Variants in KDM5A observed in about 807,000 individuals in gnomAD.
KDM5A encodes the protein lysine demethylase 5A.
Under a neutral mutation model 193.5 loss-of-function variants are expected in KDM5A, and 42 were observed. The observed-to-expected ratio is 0.22, with a 90% CI of 0.17 to 0.28. KDM5A has a LOEUF of 0.28. Ranked by LOEUF, KDM5A falls within the 10% of genes least tolerant of loss-of-function variation. The pLI is 1.00. For synonymous variants in KDM5A, 796 were observed against 718.1 expected (o/e 1.11, Z -1.73); for missense variants, 1,692 against 2,055.1 (o/e 0.82, Z 3.42).
chr12:365,535 T>A (rs1304928846), intron 4 of KDM5A, among the ~76,000 whole-genome samples: 1 of 152,132 alleles, frequency 6.6e-6, no homozygotes, highest in Non-Finnish European at 1.5e-5. Flanking sequence ...AAGAGAATTT[T>A]GGGGGCTAGT....
chr12:289,714 C>CAAAAAA (rs774919490), intron 27 of KDM5A, among the ~76,000 whole-genome samples: 1 of 79,088 alleles, frequency 1.3e-5, no homozygotes, highest in Non-Finnish European at 2.6e-5. Context: ...GACCCTGTCT[C>CAAAAAA]AAAAAAAAAA....
rs766684341 is a variant in KDM5A at position 331,890 on chromosome 12, G to A, written c.1702C>T (p.Arg568Cys). ...CAGEFVVTFP[R>C]AYHSGFNQGY... ...TGGTTAAATCCAGAGTGATAGGCAC[G>A]AGGAAATGTCACAACAAACTCGCCA... The change falls in exon 13 of 28, where the codon CGT becomes TGT. Residue 568 changes from arginine to cysteine, a missense_variant. Around this residue, in one of 11 missense-constraint regions of KDM5A, gnomAD observed 172 missense variants for 260.3 expected, o/e 0.66. Transcript: ENST00000399788. The A allele has an allele frequency of 1.9e-6, 3 of 1,614,014 alleles. No individual in the cohort carries two copies. Among genetic ancestry groups the A allele is most frequent in the Admixed American group, 1.7e-5 (1 of 60,018 alleles).
At chr12:335,075 T>C (rs914270112) in intron 10 of KDM5A, among the ~76,000 whole-genome samples, 2 of 152,048 alleles carry the variant, frequency 1.3e-5, no homozygotes, top group Non-Finnish European at 2.9e-5. Flanking sequence ...CTAACCATTA[T>C]ACAAACACAC....
chr12:341,778 TAATCCC>T (rs995385311), intron 10 of KDM5A, among the ~76,000 whole-genome samples: 4 of 151,904 alleles, frequency 2.6e-5, no homozygotes, highest in African/African-American at 9.7e-5. Flanking sequence ...TGGGCACCTG[TAATCCC>T]AGCTACTCAG....
Position 389,315 on chromosome 12 carries a change from GC to G in KDM5A, c.-225del, listed in dbSNP as rs1944700669. ...TCAGGACTTTTCCGGAAGTTACCGT[GC>G]TGTCAAATCCCTCCGCCCCCTGCAG... On this transcript the variant is annotated 5_prime_UTR_variant, in exon 1 of 28. Transcript: ENST00000399788. The G allele has an allele frequency of 4.4e-6, 3 of 675,598 alleles. No homozygotes were observed. Among genetic ancestry groups the G allele is most frequent in the Non-Finnish European group, 8.1e-6 (3 of 369,924 alleles). The allele number at this position is 675,598 out of a possible 1,614,324, so 41.9% of individuals were successfully genotyped here.
rs1944696215 is a variant in KDM5A, at chr12:389,175, C to T, written c.-84G>A. 4 of 1,315,814 alleles carry T rather than the reference C, an allele frequency of 3.0e-6. No individual in the cohort carries two copies. In the East Asian group the frequency reaches 6.9e-5, roughly 23 times the overall value. The allele number at this position is 1,315,814 out of a possible 1,614,324, so 81.5% of individuals were successfully genotyped here. Reference sequence around the variant, plus strand: ...GAAGCCCACTAAGCCCGTTCAAGTCCCCTGACAGAGGCCGAAGCGCATCTT... The same window carrying T: ...GAAGCCCACTAAGCCCGTTCAAGTCTCCTGACAGAGGCCGAAGCGCATCTT... On this transcript the variant is annotated 5_prime_UTR_variant, in exon 1 of 28. Coordinates refer to ENST00000399788, the MANE Select transcript of KDM5A (RefSeq NM_001042603.3).
At chr12:295,877 G>A (rs77854644) in intron 25 of KDM5A, 84 bp from the exon 26 acceptor site, 204,282 of 1,117,386 alleles carry the variant, frequency 0.18, 21,078 homozygotes, top group Non-Finnish European at 0.2. Context: ...ATTGAGACTA[G>A]CCCCCCATCC....
intron 25 of KDM5A, among the ~76,000 whole-genome samples, chr12:296,121 C>T (rs953646941): frequency 5.3e-5 from 8 of 151,960 alleles, no homozygotes; most frequent in Non-Finnish European, 7.4e-5. Context: ...GAGTTCGAAA[C>T]CAGCCTGACC....
In KDM5A at chr12:282,846, A is replaced by T. The variant is rs1943172755; in HGVS notation, c.*2610T>A. 4.3e-6 allele frequency: 1 copy of T among 232,384 alleles called. No homozygotes were observed. The highest frequency in any genetic ancestry group is 8.5e-6 in the Non-Finnish European group (1 of 117,628). 14.4% of individuals were successfully genotyped at this position (232,384 alleles called of 1,614,324 possible). A position where few individuals can be genotyped will look rare whatever the true frequency, so the allele number is the denominator to read the frequency against. On this transcript the variant is annotated 3_prime_UTR_variant, in exon 28 of 28. Coordinates refer to ENST00000399788, the MANE Select transcript of KDM5A (RefSeq NM_001042603.3). ...TAATGCTTTGTATTAGAACACCAAC[A>T]TTTCTTTAAATAGATGAATCTTGTT...
intron 10 of KDM5A, among the ~76,000 whole-genome samples, chr12:341,579 T>C (rs965520607): frequency 6.6e-6 from 1 of 151,870 alleles, no homozygotes; most frequent in African/African-American, 2.4e-5. Flanking sequence ...TTGTTATAAC[T>C]AAAAATAGCT....
chr12:373,591 C>A (rs1944461560), intron 3 of KDM5A, among the ~76,000 whole-genome samples: 1 of 152,222 alleles, frequency 6.6e-6, no homozygotes, highest in South Asian at 2.1e-4. Flanking sequence ...CAGTTCTGCT[C>A]TGATTTTAGT....
Position 307,005 on chromosome 12 carries a change from C to G in KDM5A, c.4015G>C (p.Asp1339His). The change falls in exon 24 of 28, where the codon GAT becomes CAT. Residue 1339 changes from aspartate (D) to histidine (H), a missense_variant. By Grantham distance (81) the Asp-to-His change is moderately conservative. This residue lies in a region of KDM5A where 965 missense variants were observed against 1,061.0 expected (regional missense o/e 0.91). Coordinates refer to ENST00000399788, the MANE Select transcript of KDM5A (RefSeq NM_001042603.3). The surrounding 1 kb of genome is among the most constrained non-coding windows in gnomAD (Gnocchi z 4.3). ...TCATCAGAGTCTGTTTCTTCATCAT[C>G]ATAGTCCATTGTTTGTCGAGGAGAA... ...SSSPRQTMDYDDEETDSDEDI... is the reference protein window; with the variant it reads ...SSSPRQTMDYHDEETDSDEDI... 1.2e-6 allele frequency: 2 copies of G among 1,613,954 alleles called. No homozygotes were observed. Among genetic ancestry groups the G allele is most frequent in the Non-Finnish European group, 1.7e-6 (2 of 1,179,986 alleles).
intron 25 of KDM5A, 151 bp downstream of exon 25, chr12:296,890 C>T (rs1265500355): frequency 1.2e-6 from 1 of 817,802 alleles, no homozygotes; most frequent in Non-Finnish European, 1.9e-6. Context: ...ATTGGCTTTT[C>T]CAAAAGAAAA....
rs1232394943 is a variant in KDM5A at position 292,723 on chromosome 12, A to C, written c.4866+36T>G. Reference sequence around the variant, plus strand: ...GTGTCTCCACAACTGTTGCTCCTTGACCTCTCATGCTTGACTATAAACAGT... The same window carrying C: ...GTGTCTCCACAACTGTTGCTCCTTGCCCTCTCATGCTTGACTATAAACAGT... On this transcript the variant is annotated intron_variant, in intron 27 of 27. Coordinates refer to ENST00000399788, the MANE Select transcript of KDM5A (RefSeq NM_001042603.3). 4 of 1,613,858 alleles carry C rather than the reference A, an allele frequency of 2.5e-6. No homozygotes were observed. In the Admixed American group the frequency reaches 5.0e-5, roughly 20 times the overall value.
chr12:369,926 G>C (rs1416967800), intron 3 of KDM5A, among the ~76,000 whole-genome samples: 1 of 152,192 alleles, frequency 6.6e-6, no homozygotes, highest in Non-Finnish European at 1.5e-5. Flanking sequence ...CTGGTGATTA[G>C]TAGCAGCCAG....
intron 10 of KDM5A, among the ~76,000 whole-genome samples, chr12:338,021 C>T (rs1263202091): frequency 6.6e-6 from 1 of 152,006 alleles, no homozygotes; most frequent in Non-Finnish European, 1.5e-5. Context: ...TCCCACTGAC[C>T]CATCAATCTT....
Position 285,270 on chromosome 12 carries a change from GAT to G in KDM5A, c.*184_*185del, listed in dbSNP as rs1943206035. 6 of 615,114 alleles carry G rather than the reference GAT, an allele frequency of 9.8e-6. No homozygotes were observed. In the African/African-American group the frequency reaches 1.1e-4, roughly 11 times the overall value. 38.1% of individuals were successfully genotyped at this position (615,114 alleles called of 1,614,324 possible). A position where few individuals can be genotyped will look rare whatever the true frequency, so the allele number is the denominator to read the frequency against. ...TACCAAAGAAGACACCCTCTGCATA[GAT>G]ATGTTGATAGAGAATGTAACCCACA... On this transcript the variant is annotated 3_prime_UTR_variant, in exon 28 of 28. Coordinates refer to ENST00000399788, the MANE Select transcript of KDM5A (RefSeq NM_001042603.3).
chr12:364,689 G>A (rs1450326022), intron 4 of KDM5A, among the ~76,000 whole-genome samples: 2 of 149,570 alleles, frequency 1.3e-5, no homozygotes, highest in African/African-American at 2.5e-5. Context: ...GGAGGCTGAG[G>A]CAGGAGAATG....
At chr12:291,947 G>A (rs1943300442) in intron 27 of KDM5A, among the ~76,000 whole-genome samples, 1 of 147,690 alleles carries the variant, frequency 6.8e-6, no homozygotes, top group Admixed American at 6.8e-5. Flanking sequence ...TTGTGGCCCA[G>A]GCTGGAGCAC....
Sources: allele counts gnomAD v4.1 joint callset (sites outside exome capture counted in the v4.1 genomes callset), GRCh38; gene constraint gnomAD v4.1.1; regional missense constraint gnomAD v4.1.1; non-coding constraint Gnocchi (gnomAD v3.1); transcripts MANE v1.5; gene names NCBI Gene and HGNC (gene_info 2026-07-23, HGNC 2026-07-21).